The following ASAP1 variants were observed in gnomAD, a reference collection of about 807,000 sequenced individuals.
The protein encoded by ASAP1 is ArfGAP with SH3 domain, ankyrin repeat and PH domain 1, also known as arf-GAP with SH3 domain, ANK repeat and PH domain-containing protein 1.
In ASAP1, 43 loss-of-function variants were observed where a neutral mutation model predicts 145.2. The ratio of observed to expected loss-of-function variants is 0.30; its 90% CI spans 0.23 to 0.38. ASAP1 has a LOEUF of 0.38. Among genes scored for constraint, ASAP1 ranks in the 10% least tolerant of loss-of-function variants. The pLI, the probability that ASAP1 is intolerant of heterozygous loss-of-function variation, is 1.00. For missense variants in ASAP1, 1,018 were observed against 1,355.3 expected, an observed-to-expected ratio of 0.75 and a Z score of 3.91; for synonymous variants, 546 against 515.5, an observed-to-expected ratio of 1.06 and a Z score of -0.80.
chr8:130,247,708 G>A (rs751292765), intron 3 of ASAP1, among the ~76,000 whole-genome samples: 3 of 152,156 alleles, frequency 2.0e-5, no homozygotes, highest in African/African-American at 7.2e-5. Context: ...CAGGTCAGAC[G>A]TGAGCTGCAC....
intron 3 of ASAP1, among the ~76,000 whole-genome samples, chr8:130,351,915 G>A (rs1400926657): frequency 6.6e-6 from 1 of 152,216 alleles, no homozygotes; most frequent in Non-Finnish European, 1.5e-5. Flanking sequence ...CCTTGTTTTA[G>A]AAAGAGCATG....
chr8:130,232,145 G>A (rs1285348929), intron 4 of ASAP1, among the ~76,000 whole-genome samples: 1 of 152,146 alleles, frequency 6.6e-6, no homozygotes, highest in Non-Finnish European at 1.5e-5. Flanking sequence ...TCTTGTCTAT[G>A]GACTGGCCTT....
chr8:130,108,103 A>T (rs545158465), intron 24 of ASAP1, among the ~76,000 whole-genome samples: 7 of 152,348 alleles, frequency 4.6e-5, no homozygotes, highest in Admixed American at 3.9e-4. Flanking sequence ...CCCTTCAACA[A>T]CAAGCATCTA....
At chr8:130,151,370 CAAAAAAAAAAAAAAAAAAAAAA>C (rs58367856) in intron 13 of ASAP1, among the ~76,000 whole-genome samples, 629 of 62,856 alleles carry the variant, frequency 0.01, 5 homozygotes, top group Admixed American at 0.02. Flanking sequence ...GACTCAGTCT[CAAAAAAAAAAAAAAAAAAAAAA>C]AAAAAAAAAA....
At chr8:130,090,490 T>C (rs886359659) in intron 25 of ASAP1, among the ~76,000 whole-genome samples, 1 of 152,198 alleles carries the variant, frequency 6.6e-6, no homozygotes, top group Non-Finnish European at 1.5e-5. Flanking sequence ...CACACCTCAA[T>C]TGTTCTTGCC....
chr8:130,303,347 T>A (rs1822793136), intron 3 of ASAP1, among the ~76,000 whole-genome samples: 1 of 152,190 alleles, frequency 6.6e-6, no homozygotes, highest in Non-Finnish European at 1.5e-5. Context: ...TTTCTCAACC[T>A]CAAGCATTAC....
At chr8:130,423,609 A>G (rs149729656) in intron 1 of ASAP1, among the ~76,000 whole-genome samples, 170 of 152,358 alleles carry the variant, frequency 1.1e-3, no homozygotes, top group African/African-American at 4.0e-3. Context: ...ATGTAAATCT[A>G]TATTTATTCA....
intron 5 of ASAP1, among the ~76,000 whole-genome samples, chr8:130,208,922 C>A (rs1381842791): frequency 1.3e-5 from 2 of 151,594 alleles, no homozygotes; most frequent in African/African-American, 2.4e-5. Context: ...TATTTGCCAT[C>A]CCCCTAAAAA....
At chr8:130,155,907 T>C (rs529326909) in intron 12 of ASAP1, among the ~76,000 whole-genome samples, 4 of 152,222 alleles carry the variant, frequency 2.6e-5, no homozygotes, top group East Asian at 1.9e-4. Flanking sequence ...CTCGTATAAA[T>C]AGATAATTCC....
chr8:130,078,875 T>A (rs2097471316), intron 26 of ASAP1, among the ~76,000 whole-genome samples: 1 of 151,868 alleles, frequency 6.6e-6, no homozygotes, highest in Non-Finnish European at 1.5e-5. Flanking sequence ...TCTCACAGGG[T>A]TATAAAGAGT....
At chr8:130,271,783 C>T (rs1296869926) in intron 3 of ASAP1, among the ~76,000 whole-genome samples, 1 of 152,134 alleles carries the variant, frequency 6.6e-6, no homozygotes, top group Non-Finnish European at 1.5e-5. Context: ...ATAGTCATCC[C>T]TGCTTCAAAA....
intron 24 of ASAP1, among the ~76,000 whole-genome samples, chr8:130,102,528 G>C (rs200674154): frequency 6.6e-6 from 1 of 152,140 alleles, no homozygotes; most frequent in Non-Finnish European, 1.5e-5. Flanking sequence ...TTGCATCTAC[G>C]TTCCACAAGA....
intron 3 of ASAP1, among the ~76,000 whole-genome samples, chr8:130,248,554 T>C (rs574126816): frequency 6.6e-6 from 1 of 152,264 alleles, no homozygotes; most frequent in African/African-American, 2.4e-5. Flanking sequence ...GGCCGTAGTT[T>C]GGCCAAGATG....
intron 3 of ASAP1, among the ~76,000 whole-genome samples, chr8:130,300,911 G>C (rs749798218): frequency 1.3e-5 from 2 of 152,026 alleles, no homozygotes; most frequent in African/African-American, 2.4e-5. Flanking sequence ...TAAGAAGGGG[G>C]GCTCCCTGCA....
At chr8:130,128,136 G>A in intron 15 of ASAP1, 46 bp from the exon 16 acceptor site, 3 of 484,642 alleles carry the variant, frequency 6.2e-6, no homozygotes, top group East Asian at 6.7e-5. Flanking sequence ...TAAGAGCATG[G>A]TCATTTTTTT....
intron 3 of ASAP1, among the ~76,000 whole-genome samples, chr8:130,336,017 A>G (rs1825010764): frequency 1.3e-5 from 2 of 151,846 alleles, no homozygotes; most frequent in Admixed American, 6.6e-5. Context: ...GAGCCCCAGA[A>G]TAAGACCAGG....
rs918046309 is a variant in ASAP1, at chr8:130,243,905, G to A, written c.187-6911C>T. Among the ~76,000 whole-genome samples the A allele has an allele frequency of 2.9e-4, 44 of 152,264 alleles. No individual in the cohort carries two copies. The Middle Eastern group carries it at 0.01, about 35-fold the overall frequency. ...CGTTTATGATCTGTCCCAATAGAAT[G>A]TAATCTCTCAAAGAAGGTGGTGCTA... On this transcript the variant is annotated intron_variant, in intron 3 of 29. Transcript: ENST00000518721.
At chr8:130,172,805 A>G (rs1813677471) in intron 9 of ASAP1, among the ~76,000 whole-genome samples, 1 of 152,260 alleles carries the variant, frequency 6.6e-6, no homozygotes, top group African/African-American at 2.4e-5. Flanking sequence ...TTAGTTTGAA[A>G]TGGCACTGAT....
At position 130,065,467 on chromosome 8, in the gene ASAP1, T is replaced by C. The variant is rs547858383; in HGVS notation, c.2702-4398A>G. On this transcript the variant is annotated intron_variant, in intron 27 of 29. Coordinates refer to ENST00000518721, the MANE Select transcript of ASAP1 (RefSeq NM_018482.4). ...AGGGTAGGATCTCAAACCCACAAGA[T>C]GGGAAAAGATTAGAGTCCTGCCTTG... Among the ~76,000 whole-genome samples, 8 of 152,214 alleles carry C rather than the reference T, an allele frequency of 5.3e-5. No individual in the cohort carries two copies. The South Asian group carries it at 1.5e-3, about 28-fold the overall frequency.
Sources: allele counts gnomAD v4.1 joint callset (sites outside exome capture counted in the v4.1 genomes callset), GRCh38; gene constraint gnomAD v4.1.1; transcripts MANE v1.5; gene names NCBI Gene and HGNC (gene_info 2026-07-23, HGNC 2026-07-21).